The following UBAP2L variants were observed in gnomAD, a reference collection of about 807,000 sequenced individuals.
UBAP2L encodes ubiquitin associated protein 2 like.
Under a neutral mutation model 130.6 loss-of-function variants are expected in UBAP2L, and 12 were observed. The observed-to-expected ratio is 0.09, with a 90% CI of 0.06 to 0.15. The LOEUF (loss-of-function observed/expected upper bound fraction) is 0.15, where lower values mean the gene tolerates loss of function less well. Ranked by LOEUF, UBAP2L falls within the 10% of genes least tolerant of loss-of-function variation. UBAP2L has a pLI of 1.00. For synonymous variants in UBAP2L, 503 were observed against 524.7 expected (o/e 0.96, Z 0.57); for missense variants, 965 against 1,332.5 (o/e 0.72, Z 4.29).
chr1:154,243,129 T>G, intron 9 of UBAP2L, 88 bp from the exon 10 acceptor site: 1 of 1,095,652 alleles, frequency 9.1e-7, no homozygotes, highest in African/African-American at 1.5e-5. Context: ...CTTTCACTTT[T>G]TCTTGATGTT....
intron 25 of UBAP2L, among the ~76,000 whole-genome samples, chr1:154,267,433 G>A (rs771263930): frequency 3.3e-5 from 5 of 151,524 alleles, no homozygotes; most frequent in African/African-American, 9.7e-5. Context: ...GATTACAGGC[G>A]TGAGCCACTG....
intron 4 of UBAP2L, among the ~76,000 whole-genome samples, chr1:154,234,178 C>T (rs375600392): frequency 1.1e-4 from 16 of 151,954 alleles, no homozygotes; most frequent in African/African-American, 3.4e-4. Context: ...GCCTGGCCAA[C>T]GTGGTGAAAC....
At chr1:154,221,162 AC>A (rs35914985) in intron 1 of UBAP2L, 187 bp downstream of exon 1, 1,469 of 72,206 alleles carry the variant, frequency 0.02, 64 homozygotes, top group Admixed American at 0.12. Flanking sequence ...CCCACTGTAC[AC>A]CCCCCCCCGA....
chr1:154,233,427 C>G (rs1376119237), intron 4 of UBAP2L, among the ~76,000 whole-genome samples: 8 of 151,970 alleles, frequency 5.3e-5, no homozygotes, highest in Non-Finnish European at 1.0e-4. Flanking sequence ...CAGGTTCAAG[C>G]AGTTCTCCTG....
In UBAP2L at chr1:154,234,721, C is replaced by T; in HGVS notation, c.410C>T (p.Pro137Leu). 6.2e-7 allele frequency: 1 copy of T among 1,610,474 alleles called. No individual in the cohort carries two copies. The highest frequency in any genetic ancestry group is 8.5e-7 in the Non-Finnish European group (1 of 1,178,292). Residue 137 changes from proline to leucine, a missense_variant, in exon 5 of 27, where the codon CCA becomes CTA. Physicochemically the swap from Pro to Leu is moderately conservative, Grantham distance 98 (BLOSUM62 -3). Transcript: ENST00000428931. ...DRDYSRRRGG[P>L]PRRGRGASRG... Reference sequence around the variant, plus strand: ...GACTATAGTCGGCGACGTGGTGGGCCACCAAGACGGGGGAGAGGTGCCAGC... The same window carrying T: ...GACTATAGTCGGCGACGTGGTGGGCTACCAAGACGGGGGAGAGGTGCCAGC...
chr1:154,221,018 C>T, intron 1 of UBAP2L, 43 bp downstream of exon 1: 2 of 205,530 alleles, frequency 9.7e-6, no homozygotes, highest in South Asian at 5.4e-5. Context: ...GCGGCGGCGG[C>T]AGCGGCAGCG....
chr1:154,268,492 A>C (rs569088072), intron 25 of UBAP2L, among the ~76,000 whole-genome samples: 2 of 152,238 alleles, frequency 1.3e-5, no homozygotes, highest in Admixed American at 6.5e-5. Context: ...TGCCCAGCCT[A>C]TTTGGTCTTT....
intron 10 of UBAP2L, among the ~76,000 whole-genome samples, chr1:154,244,083 T>G (rs1674497920): frequency 6.6e-6 from 1 of 152,190 alleles, no homozygotes; most frequent in South Asian, 2.1e-4. Flanking sequence ...AATTTAAATC[T>G]CTAGGGATCA....
intron 4 of UBAP2L, among the ~76,000 whole-genome samples, chr1:154,234,217 G>T (rs1259280492): frequency 3.9e-5 from 6 of 151,964 alleles, no homozygotes; most frequent in African/African-American, 1.5e-4. Context: ...ACAAAAATTA[G>T]CCGGGCATGG....
intron 24 of UBAP2L, among the ~76,000 whole-genome samples, chr1:154,262,646 G>A (rs1382369471): frequency 6.6e-6 from 1 of 152,132 alleles, no homozygotes; most frequent in Non-Finnish European, 1.5e-5. Flanking sequence ...CAATAATTGG[G>A]AAGAGCACAG....
intron 20 of UBAP2L, among the ~76,000 whole-genome samples, chr1:154,258,070 G>C (rs1456693584): frequency 6.6e-6 from 1 of 152,154 alleles, no homozygotes; most frequent in African/African-American, 2.4e-5. Context: ...CTGGGCTCAA[G>C]CAATCCTCTC....
intron 21 of UBAP2L, chr1:154,259,656 A>G: frequency 4.2e-6 from 2 of 475,970 alleles, no homozygotes; most frequent in Non-Finnish European, 3.9e-6. Flanking sequence ...TAAGCTTGGT[A>G]TAAACTGATA....
chr1:154,269,715 C>T, intron 26 of UBAP2L: 2 of 321,288 alleles, frequency 6.2e-6, no homozygotes, highest in Non-Finnish European at 1.2e-5. Flanking sequence ...GAAATGGGCT[C>T]ACAGATGTGA....
At chr1:154,247,522 T>G (rs1257062219) in intron 11 of UBAP2L, among the ~76,000 whole-genome samples, 1 of 152,226 alleles carries the variant, frequency 6.6e-6, no homozygotes, top group Non-Finnish European at 1.5e-5. Context: ...GCCCTCTTAA[T>G]GTCTGGAATT....
intron 24 of UBAP2L, among the ~76,000 whole-genome samples, chr1:154,265,608 A>G (rs971777474): frequency 1.3e-5 from 2 of 152,116 alleles, no homozygotes; most frequent in African/African-American, 4.8e-5. Flanking sequence ...ACCCCAGGTG[A>G]TGGAATATAG....
chr1:154,266,317 A>G (rs1287308690), intron 24 of UBAP2L, 184 bp from the exon 25 acceptor site: 6 of 674,570 alleles, frequency 8.9e-6, no homozygotes, highest in Admixed American at 7.0e-5. Flanking sequence ...GAAGGGCCAA[A>G]GAACCCTTAG....
intron 23 of UBAP2L, 152 bp downstream of exon 23, chr1:154,261,261 G>T (rs1681443701): frequency 1.1e-6 from 1 of 949,450 alleles, no homozygotes; most frequent in Non-Finnish European, 1.5e-6. Flanking sequence ...GGGTGGTGGG[G>T]GAATGGGGCT....
intron 12 of UBAP2L, among the ~76,000 whole-genome samples, chr1:154,250,214 A>G (rs1677057043): frequency 1.3e-5 from 2 of 152,102 alleles, no homozygotes; most frequent in South Asian, 2.1e-4. Flanking sequence ...TTGTACCACC[A>G]TGCCTGGCTA....
At chr1:154,223,439 T>C (rs192476940) in intron 1 of UBAP2L, among the ~76,000 whole-genome samples, 22 of 152,246 alleles carry the variant, frequency 1.4e-4, no homozygotes, top group African/African-American at 5.3e-4. Context: ...TAAAACAAAA[T>C]AGTTTTCCTC....
Sources: allele counts gnomAD v4.1 joint callset (sites outside exome capture counted in the v4.1 genomes callset), GRCh38; gene constraint gnomAD v4.1.1; transcripts MANE v1.5; gene names NCBI Gene and HGNC (gene_info 2026-07-23, HGNC 2026-07-21).